RGS21: variants seen among roughly 807,000 people sequenced by gnomAD.
The protein encoded by RGS21 is regulator of G protein signaling 21, also known as regulator of G-protein signalling 21.
A neutral mutation model predicts 18.7 loss-of-function variants in RGS21; 19 were observed. The ratio of observed to expected loss-of-function variants is 1.01; its 90% CI spans 0.71 to 1.49. RGS21 has a LOEUF of 1.49. Among genes scored for constraint, RGS21 ranks in the 40% most tolerant of loss-of-function variants. The probability of loss-of-function intolerance (pLI) is 0.00; values close to 1 mark genes in which losing one functional copy is unlikely to be tolerated. For synonymous variants in RGS21, 56 were observed against 57.8 expected (o/e 0.97, Z 0.14); for missense variants, 194 against 176.8 (o/e 1.10, Z -0.55).
In RGS21 at chr1:192,366,046, T is replaced by G; in HGVS notation, c.381T>G (p.Phe127Leu). 1 of 1,611,872 alleles carries G rather than the reference T, an allele frequency of 6.2e-7. No individual in the cohort carries two copies. The highest frequency in any genetic ancestry group is 8.5e-7 in the Non-Finnish European group (1 of 1,178,548). ...CLMAKDSFPR[F>L]LKSEIYKKLV... ...TGGCCAAGGATTCTTTCCCTCGATTTCTGAAGTCAGAGATTTATAAAAAAC... is the reference window on the plus strand; with the variant it reads ...TGGCCAAGGATTCTTTCCCTCGATTGCTGAAGTCAGAGATTTATAAAAAAC... Residue 127 changes from phenylalanine to leucine, a missense_variant, in exon 5 of 5, where the codon TTT becomes TTG. By Grantham distance (22) the Phe-to-Leu change is conservative. Transcript: ENST00000417209.
At chr1:192,329,638 G>A (rs1166732015) in intron 1 of RGS21, among the ~76,000 whole-genome samples, 2 of 152,088 alleles carry the variant, frequency 1.3e-5, no homozygotes, top group Non-Finnish European at 1.5e-5. Flanking sequence ...GAAGAAGAGA[G>A]ATGTTTCTCA....
At chr1:192,358,650 A>T (rs1202703189) in intron 4 of RGS21, among the ~76,000 whole-genome samples, 1 of 152,080 alleles carries the variant, frequency 6.6e-6, no homozygotes, top group East Asian at 1.9e-4. Flanking sequence ...TACATTCTAA[A>T]TGAGGAAAGG....
chr1:192,351,489 G>A (rs891685024), intron 3 of RGS21, among the ~76,000 whole-genome samples: 3 of 151,750 alleles, frequency 2.0e-5, no homozygotes, highest in Admixed American at 2.0e-4. Flanking sequence ...TAATTAATTT[G>A]ACCTGAGCGT....
At chr1:192,350,820 G>A (rs1404003227) in intron 3 of RGS21, among the ~76,000 whole-genome samples, 1 of 152,110 alleles carries the variant, frequency 6.6e-6, no homozygotes, top group Non-Finnish European at 1.5e-5. Flanking sequence ...TAAGCTCTGG[G>A]TATGCCAAAG....
At position 192,359,139 on chromosome 1, in the gene RGS21, A is replaced by G. The variant is rs141213099; in HGVS notation, c.256-6782A>G. 6.2e-3 allele frequency among the ~76,000 whole-genome samples: 950 copies of G among 152,204 alleles called. 8 individuals are homozygous for G. The highest frequency in any genetic ancestry group is 0.02 in the African/African-American group (823 of 41,560). ...TTTCAGAAATCTAAGATAATTTATG[A>G]CCTTTTGAAAAATAAGCAAATAAAA... On this transcript the variant is annotated intron_variant, in intron 4 of 4. Transcript: ENST00000417209.
At chr1:192,323,130 T>C (rs774886681) in intron 1 of RGS21, among the ~76,000 whole-genome samples, 1 of 152,090 alleles carries the variant, frequency 6.6e-6, no homozygotes, top group Non-Finnish European at 1.5e-5. Flanking sequence ...ATGAGGAAGA[T>C]GGAAATTGCA....
At chr1:192,342,840 G>T in intron 1 of RGS21, 137 bp from the exon 2 acceptor site, 1 of 528,406 alleles carries the variant, frequency 1.9e-6, no homozygotes, top group Non-Finnish European at 3.5e-6. Context: ...AGAAGTTTAA[G>T]TGTTTTGACC....
intron 1 of RGS21, among the ~76,000 whole-genome samples, chr1:192,342,465 T>G (rs1658884949): frequency 6.6e-6 from 1 of 151,992 alleles, no homozygotes; most frequent in Non-Finnish European, 1.5e-5. Context: ...CAAAGAAAAC[T>G]GCAATGTCTT....
chr1:192,344,160 C>T (rs1380380086), intron 2 of RGS21, among the ~76,000 whole-genome samples: 1 of 151,852 alleles, frequency 6.6e-6, no homozygotes, highest in African/African-American at 2.4e-5. Context: ...AGTTGAGCAG[C>T]CAGTTACCAC....
chr1:192,365,880 G>T, intron 4 of RGS21, 41 bp from the exon 5 acceptor site: 1 of 1,118,272 alleles, frequency 8.9e-7, no homozygotes, highest in South Asian at 1.3e-5. Context: ...TACATTCTTT[G>T]ATTAAACTAA....
rs574430638 is a variant in RGS21 at position 192,319,883 on chromosome 1, C to T, written c.-61+2778C>T. Among the ~76,000 whole-genome samples the T allele has an allele frequency of 1.8e-4, 27 of 152,128 alleles. 2 individuals are homozygous for T. In the South Asian group the frequency reaches 5.6e-3, roughly 32 times the overall value. On this transcript the variant is annotated intron_variant, in intron 1 of 4. Coordinates refer to ENST00000417209, the MANE Select transcript of RGS21 (RefSeq NM_001039152.3). ...TGATAAGATTATTCAACTCTCCATG[C>T]CTCTGTTTCTTCATCTAAAAATGGT... is the stretch of plus-strand genomic sequence containing the variant.
intron 1 of RGS21, among the ~76,000 whole-genome samples, chr1:192,334,703 G>A (rs914096446): frequency 3.3e-5 from 5 of 152,084 alleles, no homozygotes; most frequent in Admixed American, 3.3e-4. Flanking sequence ...GAAATATGTG[G>A]TATTTATGAG....
chr1:192,338,704 C>A (rs549321216), intron 1 of RGS21, among the ~76,000 whole-genome samples: 3 of 152,216 alleles, frequency 2.0e-5, no homozygotes, highest in South Asian at 4.1e-4. Flanking sequence ...GTAGCCTTAA[C>A]TTTTCTCTGG....
rs527446867 is a variant in RGS21 at position 192,363,850 on chromosome 1, C to A, written c.256-2071C>A. Among the ~76,000 whole-genome samples, 11 of 151,992 alleles carry A rather than the reference C, an allele frequency of 7.2e-5. No individual in the cohort carries two copies. The South Asian group carries it at 2.1e-3, about 29-fold the overall frequency. On this transcript the variant is annotated intron_variant, in intron 4 of 4. Coordinates refer to ENST00000417209, the MANE Select transcript of RGS21 (RefSeq NM_001039152.3). ...GTGTTTATTTGCTTATTTTTTCTGC[C>A]CTAAGTGTTTTTCCCCAGATTCTTA... is the stretch of plus-strand genomic sequence containing the variant.
At chr1:192,321,223 A>C (rs1282952660) in intron 1 of RGS21, among the ~76,000 whole-genome samples, 1 of 151,946 alleles carries the variant, frequency 6.6e-6, no homozygotes, top group Non-Finnish European at 1.5e-5. Flanking sequence ...TCTAGTAAGC[A>C]CTTCTTTAGA....
chr1:192,343,938 A>C (rs1428765755), intron 2 of RGS21, among the ~76,000 whole-genome samples: 1 of 152,112 alleles, frequency 6.6e-6, no homozygotes, highest in Non-Finnish European at 1.5e-5. Flanking sequence ...AGTAGAGTTT[A>C]AAATCAACCA....
intron 1 of RGS21, among the ~76,000 whole-genome samples, chr1:192,321,636 CTTATA>C (rs1452756933): frequency 1.3e-5 from 2 of 151,882 alleles, no homozygotes; most frequent in African/African-American, 4.8e-5. Context: ...CATTTTTACT[CTTATA>C]TTAATCATTT....
chr1:192,363,566 C>T (rs1169252818), intron 4 of RGS21, among the ~76,000 whole-genome samples: 1 of 152,062 alleles, frequency 6.6e-6, no homozygotes, highest in Non-Finnish European at 1.5e-5. Context: ...ACTATTGATT[C>T]CCACTATGAG....
intron 1 of RGS21, among the ~76,000 whole-genome samples, chr1:192,337,714 A>T (rs575403493): frequency 6.6e-6 from 1 of 152,288 alleles, no homozygotes. Context: ...CAACAGATCA[A>T]ATGATAACAA....
Sources: allele counts gnomAD v4.1 joint callset (sites outside exome capture counted in the v4.1 genomes callset), GRCh38; gene constraint gnomAD v4.1.1; transcripts MANE v1.5; gene names NCBI Gene and HGNC (gene_info 2026-07-23, HGNC 2026-07-21).